Variants in TTC29 observed in about 807,000 individuals in gnomAD.
TTC29 encodes the protein tetratricopeptide repeat domain 29, also known as tetratricopeptide repeat protein 29.
A neutral mutation model predicts 58.1 loss-of-function variants in TTC29; 49 were observed. The ratio of observed to expected loss-of-function variants is 0.84; its 90% CI spans 0.67 to 1.07. The LOEUF (loss-of-function observed/expected upper bound fraction) is 1.07, where lower values mean the gene tolerates loss of function less well. TTC29 is among the 50% of genes least tolerant of loss of function. TTC29 has a pLI of 0.00. For synonymous variants in TTC29, 209 were observed against 196.8 expected, an observed-to-expected ratio of 1.06 and a Z score of -0.52; for missense variants, 582 against 555.6, an observed-to-expected ratio of 1.05 and a Z score of -0.48.
intron 7 of TTC29, 44 bp from the exon 8 acceptor site, chr4:146,867,627 A>T: frequency 1.1e-6 from 1 of 914,550 alleles, no homozygotes; most frequent in Non-Finnish European, 1.6e-6. Context: ...TCAATAAATG[A>T]TTTATTACAA....
rs114472768 is a variant in TTC29, at chr4:146,878,002, G to A, written c.587-3074C>T. 4.1e-3 allele frequency among the ~76,000 whole-genome samples: 630 copies of A among 152,248 alleles called. 6 individuals are homozygous for A. Among genetic ancestry groups the A allele is most frequent in the African/African-American group, 0.013 (561 of 41,564 alleles). The stretch of plus-strand genomic sequence containing the variant: ...GGACAAAATGGGAGGTGGGAAGAGT[G>A]GAGGGAAGGCTGGGGCTGTGTCTTC... On this transcript the variant is annotated intron_variant, in intron 6 of 12. Transcript: ENST00000325106.
At chr4:146,877,472 C>T (rs1731344926) in intron 6 of TTC29, among the ~76,000 whole-genome samples, 1 of 152,002 alleles carries the variant, frequency 6.6e-6, no homozygotes, top group Admixed American at 6.6e-5. Flanking sequence ...TTTTTCTTAC[C>T]TTCCAGAAAA....
At chr4:146,913,182 G>A (rs1256722730) in intron 4 of TTC29, among the ~76,000 whole-genome samples, 1 of 152,084 alleles carries the variant, frequency 6.6e-6, no homozygotes, top group Non-Finnish European at 1.5e-5. Flanking sequence ...GCGGCCAGCC[G>A]ATCTTCCTAG....
intron 11 of TTC29, among the ~76,000 whole-genome samples, chr4:146,779,815 C>G (rs1748451923): frequency 6.6e-6 from 1 of 152,098 alleles, no homozygotes; most frequent in African/African-American, 2.4e-5. Flanking sequence ...GGAAGCTAGT[C>G]AAAATAAGGT....
intron 10 of TTC29, among the ~76,000 whole-genome samples, chr4:146,811,504 A>T (rs1247983708): frequency 6.6e-6 from 1 of 151,780 alleles, no homozygotes; most frequent in African/African-American, 2.4e-5. Flanking sequence ...CCTCCCTTCC[A>T]CTCATCTCTC....
At chr4:146,872,214 A>G (rs535813599) in intron 7 of TTC29, among the ~76,000 whole-genome samples, 5 of 152,064 alleles carry the variant, frequency 3.3e-5, no homozygotes, top group African/African-American at 1.2e-4. Flanking sequence ...ATGAAGTCGT[A>G]CCCTCCTCAC....
chr4:146,740,609 C>T (rs1318122042), intron 11 of TTC29, among the ~76,000 whole-genome samples: 1 of 151,912 alleles, frequency 6.6e-6, no homozygotes, highest in Non-Finnish European at 1.5e-5. Flanking sequence ...ATGTGATAGA[C>T]ACAAATCTTT....
chr4:146,945,775 G>C lies in TTC29; in HGVS notation c.-120C>G, dbSNP rs1409502139. 6.6e-6 allele frequency: 1 copy of C among 152,434 alleles called. No individual in the cohort carries two copies. The highest frequency in any genetic ancestry group is 6.5e-5 in the Admixed American group (1 of 15,290). 9.4% of individuals were successfully genotyped at this position (152,434 alleles called of 1,614,324 possible). Reference sequence around the variant, plus strand: ...CCGCCGAAGTCAGTCCCCCACCGGCGGCAGGTGCTGGGCGTTGGCGCTGCC... The same window carrying C: ...CCGCCGAAGTCAGTCCCCCACCGGCCGCAGGTGCTGGGCGTTGGCGCTGCC... On this transcript the variant is annotated 5_prime_UTR_variant, in exon 1 of 13. Coordinates refer to ENST00000325106, the MANE Select transcript of TTC29 (RefSeq NM_031956.4).
rs560481966 is a variant in TTC29 at position 146,794,257 on chromosome 4, C to T, written c.1330+9200G>A. 1.4e-4 allele frequency among the ~76,000 whole-genome samples: 21 copies of T among 152,128 alleles called. 1 individual carries two copies. The South Asian group carries it at 4.3e-3, about 32-fold the overall frequency. On this transcript the variant is annotated intron_variant, in intron 11 of 12. Coordinates refer to ENST00000325106, the MANE Select transcript of TTC29 (RefSeq NM_031956.4). ...CCATCTATATTTTTAGGGAATATTC[C>T]TGTGATCAAATTATAATAGCCTGCT...
intron 10 of TTC29, among the ~76,000 whole-genome samples, chr4:146,812,413 C>G (rs895379152): frequency 1.3e-5 from 2 of 152,142 alleles, no homozygotes; most frequent in African/African-American, 2.4e-5. Flanking sequence ...CTCATTCATT[C>G]ATTTGGCAAC....
chr4:146,820,892 C>A (rs1214835399), intron 9 of TTC29, among the ~76,000 whole-genome samples: 3 of 151,936 alleles, frequency 2.0e-5, no homozygotes, highest in Non-Finnish European at 4.4e-5. Context: ...ATTAGCCAGG[C>A]ATGGTGGTGG....
chr4:146,874,405 C>A (rs371474664), intron 7 of TTC29, among the ~76,000 whole-genome samples: 2 of 152,082 alleles, frequency 1.3e-5, no homozygotes, highest in Non-Finnish European at 2.9e-5. Context: ...TACACACATG[C>A]GCATGCACAC....
At chr4:146,925,043 T>G (rs997906933) in intron 4 of TTC29, among the ~76,000 whole-genome samples, 8 of 152,096 alleles carry the variant, frequency 5.3e-5, no homozygotes, top group Admixed American at 5.2e-4. Context: ...CTATCATTTT[T>G]AACTTAATTT....
At position 146,871,138 on chromosome 4, in the gene TTC29, G is replaced by C. The variant is rs374532680; in HGVS notation, c.800-3555C>G. On this transcript the variant is annotated intron_variant, in intron 7 of 12. Transcript: ENST00000325106. The stretch of plus-strand genomic sequence containing the variant: ...ACATATAAGAAGGATTATACACCAC[G>C]ATCAAGTGGAATTTAGCCCAGCGAT... Among the ~76,000 whole-genome samples the C allele has an allele frequency of 2.6e-5, 4 of 151,814 alleles. No individual in the cohort carries two copies. In the East Asian group the frequency reaches 5.8e-4, roughly 22 times the overall value.
intron 11 of TTC29, among the ~76,000 whole-genome samples, chr4:146,773,823 A>T (rs1260798507): frequency 6.6e-6 from 1 of 151,616 alleles, no homozygotes; most frequent in Non-Finnish European, 1.5e-5. Flanking sequence ...GAATGGCACC[A>T]GCTCTTCTTT....
chr4:146,770,483 G>A (rs956275124), intron 11 of TTC29, among the ~76,000 whole-genome samples: 2 of 151,314 alleles, frequency 1.3e-5, no homozygotes, highest in Non-Finnish European at 2.9e-5. Context: ...AATATTCCTC[G>A]AATTGGCCTG....
intron 9 of TTC29, among the ~76,000 whole-genome samples, chr4:146,820,713 C>T (rs1469653901): frequency 1.3e-5 from 2 of 152,096 alleles, no homozygotes; most frequent in Non-Finnish European, 2.9e-5. Context: ...TGTATACCTA[C>T]AATGAAATAT....
chr4:146,745,812 A>C (rs918884587), intron 11 of TTC29, among the ~76,000 whole-genome samples: 1 of 152,216 alleles, frequency 6.6e-6, no homozygotes, highest in Non-Finnish European at 1.5e-5. Context: ...GTATTACATA[A>C]GGTTTATTAT....
At chr4:146,797,038 G>A (rs892517678) in intron 11 of TTC29, among the ~76,000 whole-genome samples, 1 of 152,078 alleles carries the variant, frequency 6.6e-6, no homozygotes, top group Non-Finnish European at 1.5e-5. Context: ...ATCCCTTTTA[G>A]AGGAACCCAA....
Sources: allele counts gnomAD v4.1 joint callset (sites outside exome capture counted in the v4.1 genomes callset), GRCh38; gene constraint gnomAD v4.1.1; transcripts MANE v1.5; gene names NCBI Gene and HGNC (gene_info 2026-07-23, HGNC 2026-07-21).